Variants in BPIFB2 observed in about 807,000 individuals in gnomAD.
BPIFB2 encodes BPI fold-containing family B member 2.
A neutral mutation model predicts 50.1 loss-of-function variants in BPIFB2; 39 were observed. The observed-to-expected ratio is 0.78, with a 90% confidence interval of 0.60 to 1.02. BPIFB2 has a LOEUF of 1.02. Among genes scored for constraint, BPIFB2 ranks in the 50% least tolerant of loss-of-function variants. The pLI is 0.00. For synonymous variants in BPIFB2, 280 were observed against 256.3 expected (o/e 1.09, Z -0.88); for missense variants, 574 against 585.8 (o/e 0.98, Z 0.21).
At chr20:33,008,126 A>G (rs1317016988) in intron 1 of BPIFB2, among the ~76,000 whole-genome samples, 1 of 152,154 alleles carries the variant, frequency 6.6e-6, no homozygotes, top group East Asian at 1.9e-4. Flanking sequence ...GGACAGCTGG[A>G]CACCAAGCTG....
At chr20:33,013,466 C>T (rs965200896) in intron 4 of BPIFB2, among the ~76,000 whole-genome samples, 26 of 152,196 alleles carry the variant, frequency 1.7e-4, no homozygotes, top group African/African-American at 6.3e-4. Context: ...TCACAGGAAA[C>T]TCAGCACAGC....
chr20:33,016,860 G>A (rs2146352914), intron 6 of BPIFB2, among the ~76,000 whole-genome samples, 182 bp from the exon 7 acceptor site: 2 of 152,352 alleles, frequency 1.3e-5, no homozygotes, highest in South Asian at 4.1e-4. Context: ...CTTCTCCTCT[G>A]TTTCTTCGGT....
intron 5 of BPIFB2, among the ~76,000 whole-genome samples, chr20:33,015,111 T>C (rs892652414): frequency 6.6e-6 from 1 of 152,162 alleles, no homozygotes; most frequent in African/African-American, 2.4e-5. Context: ...AACCCAACCT[T>C]TACTGGGCTT....
chr20:33,022,349 T>C (rs1978706857), intron 15 of BPIFB2, among the ~76,000 whole-genome samples: 2 of 152,248 alleles, frequency 1.3e-5, no homozygotes, highest in Admixed American at 1.3e-4. Flanking sequence ...TCTCACGTGC[T>C]GTTCATACCC....
chr20:33,010,960 G>C (rs1227295595), intron 2 of BPIFB2, 64 bp from the exon 3 acceptor site: 23 of 1,376,016 alleles, frequency 1.7e-5, no homozygotes, highest in Non-Finnish European at 2.3e-5. Flanking sequence ...ATGGCAGGCA[G>C]TGTGTTCTTG....
chr20:33,016,552 G>A (rs572447461), intron 6 of BPIFB2, among the ~76,000 whole-genome samples: 14 of 152,140 alleles, frequency 9.2e-5, no homozygotes, highest in Non-Finnish European at 1.6e-4. Flanking sequence ...CTATCACACT[G>A]ATCCCAACAT....
chr20:33,009,986 G>A lies in BPIFB2; in HGVS notation c.110-1038G>A, dbSNP rs1390698229. Among the ~76,000 whole-genome samples the A allele has an allele frequency of 6.6e-6, 1 of 152,198 alleles. No individual in the cohort carries two copies. The highest frequency in any genetic ancestry group is 2.4e-5 in the African/African-American group (1 of 41,454). ...CCAGCTCAGCTGCAGATGGTTAGGT[G>A]GGAGAGGGGTGCTGGGAAACATGGA... On this transcript the variant is annotated intron_variant, in intron 2 of 15. Transcript: ENST00000170150. The surrounding 1 kb of genome is among the most constrained non-coding windows in gnomAD (Gnocchi z 4.2).
intron 8 of BPIFB2, 122 bp from the exon 9 acceptor site, chr20:33,018,515 G>A (rs1016112001): frequency 7.5e-7 from 1 of 1,334,436 alleles, no homozygotes; most frequent in Admixed American, 2.1e-5. Context: ...AACTACACAT[G>A]TGGCATCTTG....
intron 15 of BPIFB2, 26 bp downstream of exon 15, chr20:33,021,825 G>T (rs1251992921): frequency 1.2e-6 from 2 of 1,601,568 alleles, no homozygotes; most frequent in Admixed American, 3.3e-5. Context: ...TGTGACCAGA[G>T]GGGCCTCCTT....
At chr20:33,018,375 AGCTGGG>A in intron 8 of BPIFB2, 25 bp downstream of exon 8, 1 of 1,579,452 alleles carries the variant, frequency 6.3e-7, no homozygotes, top group Non-Finnish European at 8.7e-7. Flanking sequence ...GCCAGCCCAG[AGCTGGG>A]GGCTTGCTGC....
At position 33,008,628 on chromosome 20, in the gene BPIFB2, C is replaced by T. The variant is rs1380855534; in HGVS notation, c.54C>T (p.Val18=). The part of the protein sequence containing the change: ...GLLLALLLPV[V]GASTPGTVVR... ...TGCTGGCACTGCTGCTGCCCGTGGT[C>T]GGTGCCTCCACGCCAGGCACCGTGG... Residue 18 remains valine, a synonymous_variant, in exon 2 of 16, where the codon GTC becomes GTT. Transcript: ENST00000170150. 3.1e-5 allele frequency: 50 copies of T among 1,607,414 alleles called. 1 individual carries two copies. Among genetic ancestry groups the T allele is most frequent in the East Asian group, 6.7e-5 (3 of 44,548 alleles).
chr20:33,014,784 G>A lies in BPIFB2; in HGVS notation c.456-652G>A, dbSNP rs1228640548. On this transcript the variant is annotated intron_variant, in intron 5 of 15. Coordinates refer to ENST00000170150, the MANE Select transcript of BPIFB2 (RefSeq NM_025227.3). ...CACACTTGTGTCGCATGATCACCAC[G>A]TGTGACTCACGACCCCTCACTGTCC... Among the ~76,000 whole-genome samples, 3 of 152,324 alleles carry A rather than the reference G, an allele frequency of 2.0e-5. No homozygotes were observed. In the East Asian group the frequency reaches 5.8e-4, roughly 29 times the overall value.
chr20:33,008,871 G>A lies in BPIFB2; in HGVS notation c.109+188G>A, dbSNP rs78947895. Among the ~76,000 whole-genome samples, 1,327 of 152,350 alleles carry A rather than the reference G, an allele frequency of 8.7e-3. 17 individuals are homozygous for A. Among genetic ancestry groups the A allele is most frequent in the African/African-American group, 0.03 (1,264 of 41,578 alleles). ...CAACAAATGCTTATTACATAAATGC[G>A]TGAGGGGGGAGTACGTCATGTGGCC... is the stretch of plus-strand genomic sequence containing the variant. On this transcript the variant is annotated intron_variant, in intron 2 of 15. Coordinates refer to ENST00000170150, the MANE Select transcript of BPIFB2 (RefSeq NM_025227.3).
At chr20:33,018,911 G>C in intron 9 of BPIFB2, 89 bp downstream of exon 9, 2 of 1,568,670 alleles carry the variant, frequency 1.3e-6, no homozygotes, top group Non-Finnish European at 1.7e-6. Flanking sequence ...CAAATCATGG[G>C]TGGGTGGGGC....
At chr20:33,018,019 T>C (rs1331713203) in intron 7 of BPIFB2, among the ~76,000 whole-genome samples, 3 of 152,180 alleles carry the variant, frequency 2.0e-5, no homozygotes, top group African/African-American at 7.2e-5. Flanking sequence ...GCAGAAAGCA[T>C]ACCTGTTAGA....
intron 9 of BPIFB2, 49 bp from the exon 10 acceptor site, chr20:33,019,013 G>A (rs1306218649): frequency 1.2e-6 from 2 of 1,611,766 alleles, no homozygotes; most frequent in African/African-American, 1.3e-5. Context: ...GATCTGTCTT[G>A]GGGAGCAGCT....
chr20:33,023,296 G>C (rs1388934302), intron 15 of BPIFB2, 46 bp from the exon 16 acceptor site: 1 of 1,591,478 alleles, frequency 6.3e-7, no homozygotes, highest in Non-Finnish European at 8.6e-7. Context: ...CTGGGGTCCT[G>C]CCTGTGCCTC....
In BPIFB2 at chr20:33,020,582, A is replaced by T. The variant is rs148403687; in HGVS notation, c.1189A>T (p.Ile397Phe). 4.6e-4 allele frequency: 733 copies of T among 1,608,298 alleles called. No homozygotes were observed. Among genetic ancestry groups the T allele is most frequent in the Non-Finnish European group, 5.7e-4 (676 of 1,176,516 alleles). The change falls in exon 13 of 16, where the codon ATT becomes TTT. Residue 397 changes from isoleucine to phenylalanine, a missense_variant. Transcript: ENST00000170150. ...GGTGGCCTCCTCCAACGTGGGCTTC[A>T]TTGATGTGAGTGTGGGGCTGGGGCC... is the stretch of plus-strand genomic sequence containing the variant. ...LTVASSNVGFIDTDQVRTLMG... is the reference protein window; with the variant it reads ...LTVASSNVGFFDTDQVRTLMG...
At position 33,014,397 on chromosome 20, in the gene BPIFB2, G is replaced by T. The variant is rs551153380; in HGVS notation, c.455+441G>T. On this transcript the variant is annotated intron_variant, in intron 5 of 15. Coordinates refer to ENST00000170150, the MANE Select transcript of BPIFB2 (RefSeq NM_025227.3). ...AGGCTGATGGCAGCTCCCGCCTCCA[G>T]AGCACTTATGTGTGCTGAGCATTGT... Among the ~76,000 whole-genome samples the T allele has an allele frequency of 2.0e-5, 3 of 152,364 alleles. No individual in the cohort carries two copies. In the East Asian group the frequency reaches 5.8e-4, roughly 29 times the overall value.
Sources: allele counts gnomAD v4.1 joint callset (sites outside exome capture counted in the v4.1 genomes callset), GRCh38; gene constraint gnomAD v4.1.1; non-coding constraint Gnocchi (gnomAD v3.1); transcripts MANE v1.5; gene names NCBI Gene and HGNC (gene_info 2026-07-23, HGNC 2026-07-21).